Variants in LIMCH1 observed in about 807,000 individuals in gnomAD.
The protein encoded by LIMCH1 is LIM and calponin homology domains-containing protein 1.
A neutral mutation model predicts 176.5 loss-of-function variants in LIMCH1; 113 were observed. The observed-to-expected ratio is 0.64, with a 90% confidence interval of 0.55 to 0.75. LIMCH1 has a LOEUF of 0.75. LIMCH1 is among the 30% of genes least tolerant of loss of function. The pLI, the probability that LIMCH1 is intolerant of heterozygous loss-of-function variation, is 0.00. For missense variants in LIMCH1, 1,674 were observed against 1,814.9 expected (o/e 0.92, Z 1.41); for synonymous variants, 619 against 645.9 (o/e 0.96, Z 0.63).
intron 22 of LIMCH1, among the ~76,000 whole-genome samples, chr4:41,673,334 T>C (rs2095114485): frequency 6.6e-6 from 1 of 152,182 alleles, no homozygotes; most frequent in South Asian, 2.1e-4. Context: ...GGAACAAAGA[T>C]GTCAGTTGTT....
chr4:41,598,885 A>T lies in LIMCH1; in HGVS notation c.-240-35A>T, dbSNP rs754963372. 6 of 1,366,388 alleles carry T rather than the reference A, an allele frequency of 4.4e-6. No individual in the cohort carries two copies. The South Asian group carries it at 7.2e-5, about 16-fold the overall frequency. 84.6% of individuals were successfully genotyped at this position (1,366,388 alleles called of 1,614,324 possible). On this transcript the variant is annotated intron_variant, in intron 1 of 31. Coordinates refer to ENST00000503057, the MANE Select transcript of LIMCH1 (RefSeq NM_001330672.2). ...GGCTGGTTCATAAAGATAATCTAAGATAATATAGACTTATATTTCTTTTTT... is the reference window on the plus strand; with the variant it reads ...GGCTGGTTCATAAAGATAATCTAAGTTAATATAGACTTATATTTCTTTTTT...
intron 1 of LIMCH1, among the ~76,000 whole-genome samples, chr4:41,433,085 T>A (rs1428645123): frequency 1.3e-5 from 2 of 152,200 alleles, no homozygotes; most frequent in East Asian, 3.8e-4. Context: ...TCTCTTAACA[T>A]GAGGGAAATC....
At chr4:41,681,440 T>C (rs969954362) in intron 25 of LIMCH1, among the ~76,000 whole-genome samples, 1 of 152,208 alleles carries the variant, frequency 6.6e-6, no homozygotes, top group Admixed American at 6.5e-5. Flanking sequence ...TGCCATACTA[T>C]ACATTCTTTT....
intron 1 of LIMCH1, among the ~76,000 whole-genome samples, chr4:41,379,447 A>G (rs1460227133): frequency 2.0e-5 from 3 of 152,200 alleles, no homozygotes; most frequent in Non-Finnish European, 4.4e-5. Flanking sequence ...ACATGTCACC[A>G]TATCTGCCAA....
chr4:41,482,214 G>A (rs995298341), intron 1 of LIMCH1, among the ~76,000 whole-genome samples: 3 of 152,112 alleles, frequency 2.0e-5, no homozygotes, highest in Admixed American at 6.6e-5. Flanking sequence ...CTAAGAAATT[G>A]GATACTTGAT....
chr4:41,631,200 G>T lies in LIMCH1; in HGVS notation c.1324G>T (p.Ala442Ser), dbSNP rs556779868. Reference sequence around the variant, plus strand: ...TTCTGAGCCTTCCCCAGAAATTAAAGCAGAAACTGCCATTCGTGATGACTT... The same window carrying T: ...TTCTGAGCCTTCCCCAGAAATTAAATCAGAAACTGCCATTCGTGATGACTT... Reference protein sequence around the residue: ...CASEPSPEIKAETAIRDDFAN... With the variant: ...CASEPSPEIKSETAIRDDFAN... The change falls in exon 10 of 32, where the codon GCA becomes TCA. Residue 442 changes from alanine (A) to serine (S), a missense_variant. By Grantham distance (99) the Ala-to-Ser change is moderately conservative. Around this residue, in one of 3 missense-constraint regions of LIMCH1, gnomAD observed 655 missense variants for 692.2 expected, o/e 0.95. Coordinates refer to ENST00000503057, the MANE Select transcript of LIMCH1 (RefSeq NM_001330672.2). The T allele has an allele frequency of 9.5e-5, 146 of 1,535,896 alleles. No individual in the cohort carries two copies. The highest frequency in any genetic ancestry group is 1.2e-4 in the Non-Finnish European group (143 of 1,146,860).
At chr4:41,461,776 G>A (rs968792995) in intron 1 of LIMCH1, among the ~76,000 whole-genome samples, 2 of 152,202 alleles carry the variant, frequency 1.3e-5, no homozygotes, top group Non-Finnish European at 2.9e-5. Flanking sequence ...ATGAATCCAA[G>A]TGGCATTTCT....
At chr4:41,526,378 T>G (rs2076657868) in intron 3 of LIMCH1, among the ~76,000 whole-genome samples, 2 of 151,974 alleles carry the variant, frequency 1.3e-5, no homozygotes, top group African/African-American at 4.8e-5. Flanking sequence ...CTTTCTTAAG[T>G]AAAGTCACCT....
intron 21 of LIMCH1, among the ~76,000 whole-genome samples, chr4:41,669,049 C>G (rs1331755061): frequency 6.6e-6 from 1 of 152,088 alleles, no homozygotes; most frequent in Non-Finnish European, 1.5e-5. Flanking sequence ...ATAGCCAAAC[C>G]GTATGAATAC....
In LIMCH1 at chr4:41,662,989, A is replaced by C; in HGVS notation, c.3291+5A>C. On this transcript the variant is annotated splice_donor_5th_base_variant and intron_variant, in intron 20 of 31. Coordinates refer to ENST00000503057, the MANE Select transcript of LIMCH1 (RefSeq NM_001330672.2). The stretch of plus-strand genomic sequence containing the variant: ...GAGTTGGTGCTGTCACAAAAGGTGA[A>C]GTGCAGAGTGGAGGAAAGCGGTTAA... 6.2e-7 allele frequency: 1 copy of C among 1,612,920 alleles called. No individual in the cohort carries two copies. Among genetic ancestry groups the C allele is most frequent in the East Asian group, 2.2e-5 (1 of 44,860 alleles).
chr4:41,457,637 C>T (rs1001024878), intron 1 of LIMCH1, among the ~76,000 whole-genome samples: 9 of 152,104 alleles, frequency 5.9e-5, no homozygotes, highest in African/African-American at 2.2e-4. Flanking sequence ...TGAGTTAGAA[C>T]GTAGGCAGTG....
rs562790319 is a variant in LIMCH1 at position 41,486,285 on chromosome 4, T to C, written c.97-8251T>C. 9.1e-4 allele frequency among the ~76,000 whole-genome samples: 139 copies of C among 152,214 alleles called. 1 individual carries two copies. The highest frequency in any genetic ancestry group is 3.1e-3 in the African/African-American group (127 of 41,538). On this transcript the variant is annotated intron_variant, in intron 1 of 26. Transcript: ENST00000313860. ...ATCCTGCCCTTGTGTCTTTGGAGAG[T>C]GATCATGAGCTGATGGTTTGCCCAG...
At chr4:41,411,302 A>G (rs535650795) in intron 1 of LIMCH1, among the ~76,000 whole-genome samples, 3 of 152,094 alleles carry the variant, frequency 2.0e-5, no homozygotes, top group African/African-American at 7.2e-5. Context: ...ATGGCATTCT[A>G]TCTCATCATG....
chr4:41,511,066 G>A (rs1251349138), intron 2 of LIMCH1, among the ~76,000 whole-genome samples: 1 of 152,118 alleles, frequency 6.6e-6, no homozygotes, highest in South Asian at 2.1e-4. Context: ...CCCAAACATG[G>A]CTTCATCGTG....
intron 29 of LIMCH1, 51 bp from the exon 30 acceptor site, chr4:41,689,476 C>T: frequency 1.1e-6 from 1 of 945,002 alleles, no homozygotes; most frequent in South Asian, 1.3e-5. Flanking sequence ...GTGTGTTTGA[C>T]CAGGTATTCT....
chr4:41,409,874 G>A (rs10938151), intron 1 of LIMCH1, among the ~76,000 whole-genome samples: 87,334 of 152,046 alleles, frequency 0.57, 28,187 homozygotes, highest in East Asian at 0.82. Context: ...TTGAGTAATA[G>A]CCAACTTAAT....
chr4:41,397,456 T>C (rs959016353), intron 1 of LIMCH1, among the ~76,000 whole-genome samples: 5 of 152,192 alleles, frequency 3.3e-5, no homozygotes, highest in African/African-American at 1.2e-4. Context: ...GAATACGTTA[T>C]ATGGATTTAC....
intron 2 of LIMCH1, among the ~76,000 whole-genome samples, chr4:41,523,146 A>G (rs947595351): frequency 1.3e-5 from 2 of 152,238 alleles, no homozygotes; most frequent in African/African-American, 4.8e-5. Context: ...ATTCAAGACT[A>G]TTAAACCATT....
intron 1 of LIMCH1, among the ~76,000 whole-genome samples, chr4:41,456,644 T>A (rs2064644410): frequency 6.6e-6 from 1 of 152,156 alleles, no homozygotes; most frequent in Non-Finnish European, 1.5e-5. Flanking sequence ...AAAATAATTG[T>A]GCTTTTTAGC....
Sources: gnomAD v4.1 joint callset for allele counts (sites outside exome capture counted in the v4.1 genomes callset) on GRCh38, gnomAD v4.1.1 for gene constraint, gnomAD v4.1.1 regional missense constraint, MANE v1.5 for transcripts, NCBI Gene and HGNC (gene_info 2026-07-23, HGNC 2026-07-21) for gene names.